The following BCAR3 variants were observed in gnomAD, a reference collection of about 807,000 sequenced individuals.
BCAR3 encodes BCAR3 adaptor protein, NSP family member, also known as breast cancer anti-estrogen resistance protein 3.
BCAR3 carries 37 observed loss-of-function variants against 80.1 expected under a neutral mutation model. That is an observed-to-expected ratio of 0.46 (90% CI 0.36 to 0.61). The LOEUF (loss-of-function observed/expected upper bound fraction) is 0.61. Among genes scored for constraint, BCAR3 ranks in the 20% least tolerant of loss-of-function variants. BCAR3 has a pLI of 0.00. For missense variants in BCAR3, 978 were observed against 1,068.2 expected (o/e 0.92, Z 1.18); for synonymous variants, 389 against 418.9 (o/e 0.93, Z 0.87).
At chr1:93,658,692 A>G (rs1647505698) in intron 2 of BCAR3, among the ~76,000 whole-genome samples, 1 of 152,122 alleles carries the variant, frequency 6.6e-6, no homozygotes, top group Non-Finnish European at 1.5e-5. Flanking sequence ...TTGGATATAA[A>G]AGCGCTATGC....
chr1:93,846,298 C>A (rs1655175442), intron 1 of BCAR3, among the ~76,000 whole-genome samples: 1 of 152,118 alleles, frequency 6.6e-6, no homozygotes, highest in South Asian at 2.1e-4. Context: ...CCGCGGCTGG[C>A]GGGTTTGGTG....
At chr1:93,672,870 A>C (rs536416546) in intron 2 of BCAR3, among the ~76,000 whole-genome samples, 40 of 152,354 alleles carry the variant, frequency 2.6e-4, no homozygotes, top group African/African-American at 9.1e-4. Context: ...TATGGAACTG[A>C]GAATAATTCT....
At chr1:93,790,590 T>A (rs17110493) in intron 2 of BCAR3, among the ~76,000 whole-genome samples, 19,170 of 147,702 alleles carry the variant, frequency 0.13, 2,201 homozygotes, top group African/African-American at 0.29. Context: ...TCTGCTTTCA[T>A]GTAAGATCTA....
chr1:93,814,060 T>G (rs879867869), intron 2 of BCAR3, among the ~76,000 whole-genome samples: 2 of 152,224 alleles, frequency 1.3e-5, no homozygotes, highest in Non-Finnish European at 2.9e-5. Context: ...GAATTGATGT[T>G]GGATCCTTTT....
In BCAR3 at chr1:93,592,199, G is replaced by A. The variant is rs1434291505; in HGVS notation, c.486+66C>T. ...ATGTGGCCTCGGAGTGGGACCCTGC[G>A]GGTCATCAATCTGTACATTGCCTGA... On this transcript the variant is annotated intron_variant, in intron 4 of 11. Transcript: ENST00000260502. This position sits in a 1 kb window ranked among gnomAD's most constrained non-coding sequence, Gnocchi z 4.8. 29 of 1,599,092 alleles carry A rather than the reference G, an allele frequency of 1.8e-5. No homozygotes were observed. The Middle Eastern group carries it at 5.8e-4, about 32-fold the overall frequency.
intron 3 of BCAR3, among the ~76,000 whole-genome samples, chr1:93,624,632 A>G (rs976439789): frequency 6.6e-6 from 1 of 152,212 alleles, no homozygotes; most frequent in Non-Finnish European, 1.5e-5. Flanking sequence ...TGAACATGAT[A>G]GGGGCCCACT....
chr1:93,646,999 T>C (rs1479874249), intron 2 of BCAR3, among the ~76,000 whole-genome samples: 3 of 152,226 alleles, frequency 2.0e-5, no homozygotes, highest in Non-Finnish European at 4.4e-5. Context: ...AGGTTATTAT[T>C]TGATATTAAG....
rs373346486 is a variant in BCAR3 at position 93,648,040 on chromosome 1, C to T, written c.318-5697G>A. On this transcript the variant is annotated intron_variant, in intron 2 of 11. Transcript: ENST00000260502. ...CCGCCCACCTCGGCCTCCCAAAGTG[C>T]TGGGATTACAGATGTGAGCCACCGC... Among the ~76,000 whole-genome samples the T allele has an allele frequency of 2.6e-4, 40 of 152,270 alleles. 1 individual carries two copies. The East Asian group carries it at 6.2e-3, about 24-fold the overall frequency.
chr1:93,799,673 A>G (rs1395231192), intron 2 of BCAR3, among the ~76,000 whole-genome samples: 2 of 152,216 alleles, frequency 1.3e-5, no homozygotes, highest in Non-Finnish European at 2.9e-5. Context: ...ACAATCATGA[A>G]GAATGGAAAA....
At chr1:93,564,451 T>C (rs1429636603) in intron 11 of BCAR3, among the ~76,000 whole-genome samples, 1 of 152,008 alleles carries the variant, frequency 6.6e-6, no homozygotes, top group African/African-American at 2.4e-5. Flanking sequence ...GCTAATTTTG[T>C]ATTTTTAGTA....
intron 2 of BCAR3, among the ~76,000 whole-genome samples, chr1:93,742,928 C>A (rs1215567115): frequency 6.6e-6 from 1 of 152,170 alleles, no homozygotes; most frequent in Admixed American, 6.5e-5. Context: ...TGTTGAAATG[C>A]CGCCTCTTTC....
intron 3 of BCAR3, among the ~76,000 whole-genome samples, chr1:93,600,361 A>C (rs1171051313): frequency 6.6e-6 from 1 of 152,224 alleles, no homozygotes; most frequent in Admixed American, 6.5e-5. Flanking sequence ...CTGTGGATGC[A>C]AACAGGAAGC....
At chr1:93,655,336 T>A (rs1297004932) in intron 2 of BCAR3, among the ~76,000 whole-genome samples, 9 of 152,138 alleles carry the variant, frequency 5.9e-5, no homozygotes, top group Admixed American at 1.3e-4. Flanking sequence ...AAGAAGAGGA[T>A]GTTGGCATCA....
chr1:93,567,218 C>G, intron 11 of BCAR3, 61 bp downstream of exon 11: 4 of 1,564,316 alleles, frequency 2.6e-6, no homozygotes, highest in South Asian at 1.1e-5. Context: ...CATGCTCTTC[C>G]ATTCCTTCAT....
At chr1:93,642,844 C>A (rs892405661) in intron 2 of BCAR3, among the ~76,000 whole-genome samples, 5 of 152,228 alleles carry the variant, frequency 3.3e-5, no homozygotes, top group Non-Finnish European at 7.3e-5. Flanking sequence ...GGGAACGGAG[C>A]CTTCTCTTCT....
At chr1:93,562,761 T>C (rs1570893075) in intron 11 of BCAR3, among the ~76,000 whole-genome samples, 2 of 86,298 alleles carry the variant, frequency 2.3e-5, no homozygotes, top group East Asian at 3.3e-4. Flanking sequence ...CAAGCGAGAC[T>C]CCATCTCAAA....
At chr1:93,646,400 C>T (rs1435013120) in intron 2 of BCAR3, 1 of 151,902 alleles carries the variant, frequency 6.6e-6, no homozygotes, top group East Asian at 1.9e-4. Context: ...GTCGGGAGTT[C>T]AAGACCAGCC....
chr1:93,695,956 G>GGCA (rs1470381907), intron 3 of BCAR3, among the ~76,000 whole-genome samples: 2 of 151,960 alleles, frequency 1.3e-5, no homozygotes, highest in African/African-American at 4.8e-5. Context: ...CTTGAAAATG[G>GGCA]GCATATCCAG....
chr1:93,845,616 T>C (rs1655149166), exon 2 of BCAR3: 1 of 151,930 alleles, frequency 6.6e-6, no homozygotes, highest in African/African-American at 2.4e-5. Context: ...TCTTCCTAGA[T>C]GTGCCAAGAA....
Sources: allele counts gnomAD v4.1 joint callset (sites outside exome capture counted in the v4.1 genomes callset), GRCh38; gene constraint gnomAD v4.1.1; non-coding constraint Gnocchi (gnomAD v3.1); transcripts MANE v1.5; gene names NCBI Gene and HGNC (gene_info 2026-07-23, HGNC 2026-07-21).